Variants in ENKUR observed in about 807,000 individuals in gnomAD.
ENKUR encodes enkurin.
A neutral mutation model predicts 27.6 loss-of-function variants in ENKUR; 19 were observed. The ratio of observed to expected loss-of-function variants is 0.69; its 90% CI spans 0.48 to 1.01. The LOEUF is 1.01. Ranked by LOEUF, ENKUR falls within the 50% of genes least tolerant of loss-of-function variation. ENKUR has a pLI of 0.00. For missense variants in ENKUR, 312 were observed against 310.5 expected (o/e 1.00, Z -0.04); for synonymous variants, 117 against 96.9 (o/e 1.21, Z -1.22).
intron 1 of ENKUR, among the ~76,000 whole-genome samples, chr10:25,004,825 A>C (rs1564341267): frequency 6.6e-6 from 1 of 152,136 alleles, no homozygotes; most frequent in Non-Finnish European, 1.5e-5. Context: ...TTCATCATTA[A>C]ATCTTTGCCC....
intron 2 of ENKUR, among the ~76,000 whole-genome samples, chr10:25,049,939 C>T (rs567972412): frequency 6.6e-6 from 1 of 152,068 alleles, no homozygotes; most frequent in African/African-American, 2.4e-5. Flanking sequence ...TTAATTGGCT[C>T]ATGGTTCTGC....
At chr10:25,029,237 T>A (rs2131276) in intron 2 of ENKUR, among the ~76,000 whole-genome samples, 36,948 of 152,058 alleles carry the variant, frequency 0.24, 5,577 homozygotes, top group East Asian at 0.5. Flanking sequence ...TCTATGAGTT[T>A]ATGAAATGAA....
intron 2 of ENKUR, among the ~76,000 whole-genome samples, chr10:25,032,420 C>T (rs1477468009): frequency 6.6e-6 from 1 of 152,112 alleles, no homozygotes; most frequent in Non-Finnish European, 1.5e-5. Context: ...TCACCTATGC[C>T]TAATATCCCA....
At chr10:25,001,637 C>T (rs906792502) in intron 1 of ENKUR, among the ~76,000 whole-genome samples, 8 of 151,966 alleles carry the variant, frequency 5.3e-5, no homozygotes, top group Non-Finnish European at 1.2e-4. Context: ...TTTTCAGTGT[C>T]TTAGCTGCGT....
intron 4 of ENKUR, among the ~76,000 whole-genome samples, chr10:24,986,363 A>T (rs1461934694): frequency 6.6e-6 from 1 of 152,172 alleles, no homozygotes; most frequent in Non-Finnish European, 1.5e-5. Context: ...TTCTTGAGTG[A>T]GCTAAGGATC....
At chr10:25,018,058 C>CT (rs1344264537), upstream of ENKUR, among the ~76,000 whole-genome samples, 2 of 152,092 alleles carry the variant, frequency 1.3e-5, no homozygotes, top group African/African-American at 2.4e-5. Context: ...CTTTGGTAGC[C>CT]TTGATGTTCT....
chr10:25,017,149 T>G (rs1850615785), upstream of ENKUR, among the ~76,000 whole-genome samples: 2 of 152,226 alleles, frequency 1.3e-5, no homozygotes, highest in Non-Finnish European at 2.9e-5. Context: ...TCTTTGTAAA[T>G]GAGCAGCCTA....
chr10:25,020,503 A>G (rs1220324981), upstream of ENKUR, among the ~76,000 whole-genome samples: 1 of 152,158 alleles, frequency 6.6e-6, no homozygotes, highest in East Asian at 1.9e-4. Flanking sequence ...ATGGTGGTTC[A>G]TGCCTCTAAT....
intron 2 of ENKUR, chr10:25,023,133 A>C: frequency 7.6e-7 from 1 of 1,319,890 alleles, no homozygotes; most frequent in South Asian, 1.5e-5. Context: ...TTAGTAACCA[A>C]ATTATCTTTT....
chr10:25,058,105 C>T (rs1007052281), intron 2 of ENKUR, among the ~76,000 whole-genome samples: 9 of 151,992 alleles, frequency 5.9e-5, no homozygotes, highest in African/African-American at 1.4e-4. Flanking sequence ...CCAGAGTCCA[C>T]GAGTAATCTG....
At chr10:25,030,543 G>A (rs1315325894) in intron 2 of ENKUR, among the ~76,000 whole-genome samples, 1 of 151,702 alleles carries the variant, frequency 6.6e-6, no homozygotes, top group Admixed American at 6.6e-5. Flanking sequence ...TTCCTTTCCT[G>A]TAGAAGCTTT....
At chr10:24,995,563 AATG>A in intron 3 of ENKUR, 80 bp downstream of exon 3, 1 of 1,211,966 alleles carries the variant, frequency 8.3e-7, no homozygotes, top group Non-Finnish European at 1.2e-6. Flanking sequence ...GAGCACTAAT[AATG>A]ATAACATAGA....
chr10:25,033,268 G>A (rs1039217322), intron 2 of ENKUR, among the ~76,000 whole-genome samples: 2 of 151,918 alleles, frequency 1.3e-5, no homozygotes, highest in Admixed American at 1.3e-4. Flanking sequence ...GCAAGGCATG[G>A]TGGTGCATGT....
rs1849705127 is a variant in ENKUR at position 24,983,127 on chromosome 10, A to T, written c.*1243T>A. The T allele has an allele frequency of 6.6e-6, 1 of 152,236 alleles. No homozygotes were observed. The highest frequency in any genetic ancestry group is 2.4e-5 in the African/African-American group (1 of 41,456). The allele number at this position is 152,236 out of a possible 1,614,324, so 9.4% of individuals were successfully genotyped here. On this transcript the variant is annotated 3_prime_UTR_variant, in exon 6 of 6. Coordinates refer to ENST00000331161, the MANE Select transcript of ENKUR (RefSeq NM_145010.4). ...CAAAAGGAGACTGGGTCCCTGAGTG[A>T]CTGCATGGAACAGACTTATACCCCT... is the stretch of plus-strand genomic sequence containing the variant.
chr10:25,040,562 C>CAG (rs34627689), intron 2 of ENKUR, among the ~76,000 whole-genome samples: 69,967 of 150,904 alleles, frequency 0.46, 17,280 homozygotes, highest in African/African-American at 0.65. Context: ...TCAGTAGAAA[C>CAG]GGTTTCACCG....
intron 2 of ENKUR, among the ~76,000 whole-genome samples, chr10:25,032,322 G>A (rs867189349): frequency 4.7e-5 from 7 of 148,602 alleles, no homozygotes; most frequent in Admixed American, 2.7e-4. Flanking sequence ...GAAGGGGGGG[G>A]GGCTATGATC....
intron 2 of ENKUR, among the ~76,000 whole-genome samples, chr10:25,031,448 G>C (rs1346029947): frequency 1.3e-5 from 2 of 152,152 alleles, no homozygotes; most frequent in African/African-American, 2.4e-5. Flanking sequence ...CAAGTTACCA[G>C]GTGAGTGTAG....
intron 1 of ENKUR, among the ~76,000 whole-genome samples, chr10:25,010,104 A>G (rs1289453803): frequency 6.6e-6 from 1 of 152,308 alleles, no homozygotes; most frequent in African/African-American, 2.4e-5. Context: ...AAGATGTGGG[A>G]AAGTTTGGAG....
At chr10:25,006,702 A>G (rs1179845403) in intron 1 of ENKUR, among the ~76,000 whole-genome samples, 2 of 152,246 alleles carry the variant, frequency 1.3e-5, no homozygotes, top group African/African-American at 2.4e-5. Flanking sequence ...TCTGATATAT[A>G]ATAAATTATC....
Sources: allele counts gnomAD v4.1 joint callset (sites outside exome capture counted in the v4.1 genomes callset), GRCh38; gene constraint gnomAD v4.1.1; transcripts MANE v1.5; gene names NCBI Gene and HGNC (gene_info 2026-07-23, HGNC 2026-07-21).